GLCE: variants seen among roughly 807,000 people sequenced by gnomAD.
GLCE encodes glucuronic acid epimerase, also known as D-glucuronyl C5-epimerase.
Under a neutral mutation model 47.9 loss-of-function variants are expected in GLCE, and 19 were observed. The observed-to-expected ratio is 0.40, with a 90% CI of 0.28 to 0.58. The LOEUF is 0.58. Among genes scored for constraint, GLCE ranks in the 20% least tolerant of loss-of-function variants. The probability of loss-of-function intolerance (pLI) is 0.48; values close to 1 mark genes in which losing one functional copy is unlikely to be tolerated. For synonymous variants in GLCE, 245 were observed against 263.4 expected (o/e 0.93, Z 0.68); for missense variants, 556 against 743.3 (o/e 0.75, Z 2.93).
rs866903885 is a variant in GLCE, at chr15:69,255,879, G to A, written c.73G>A (p.Val25Ile). Residue 25 changes from valine (V) to isoleucine (I), a missense_variant, in exon 3 of 5, where the codon GTA (valine) becomes ATA (isoleucine). This residue lies in a region of GLCE where 237 missense variants were observed against 310.9 expected (regional missense o/e 0.76). Coordinates refer to ENST00000261858, the MANE Select transcript of GLCE (RefSeq NM_015554.3). ...IICALFTLVT[V>I]LLWNKCSSDK... Reference sequence around the variant, plus strand: ...CTGCGCACTCTTCACTTTGGTCACAGTACTTTTGTGGAATAAGTGTTCCAG... The same window carrying A: ...CTGCGCACTCTTCACTTTGGTCACAATACTTTTGTGGAATAAGTGTTCCAG... 8.1e-6 allele frequency: 13 copies of A among 1,614,056 alleles called. No homozygotes were observed. In the Middle Eastern group the frequency reaches 1.6e-3, roughly 205 times the overall value.
chr15:69,175,902 G>A (rs1290275008), intron 1 of GLCE, among the ~76,000 whole-genome samples: 1 of 152,206 alleles, frequency 6.6e-6, no homozygotes, highest in Non-Finnish European at 1.5e-5. Flanking sequence ...CTCAGGAAAT[G>A]TGTGAATTTA....
intron 2 of GLCE, among the ~76,000 whole-genome samples, chr15:69,249,313 GCATAGTCTA>G (rs2052802348): frequency 6.6e-6 from 1 of 152,118 alleles, no homozygotes; most frequent in South Asian, 2.1e-4. Context: ...GTGTTTTATA[GCATAGTCTA>G]CATAACTTTT....
intron 2 of GLCE, among the ~76,000 whole-genome samples, chr15:69,246,007 G>A (rs921969048): frequency 1.2e-4 from 19 of 152,328 alleles, no homozygotes; most frequent in African/African-American, 4.6e-4. Context: ...GGGTTTACAG[G>A]CGTGAGCCAC....
At position 69,235,093 on chromosome 15, in the gene GLCE, C is replaced by CTTTTTTTTTTT. The variant is rs869212730; in HGVS notation, c.-13-20679_-13-20669dup. ...CTGATACAGATAGATGAAGATTATT[C>CTTTTTTTTTTT]TTTTTTTTTTTTTTTTTTTTTTTTT... On this transcript the variant is annotated intron_variant, in intron 2 of 4. Transcript: ENST00000261858. Among the ~76,000 whole-genome samples the CTTTTTTTTTTT allele has an allele frequency of 1.4e-4, 9 of 62,882 alleles. 2 individuals carry two copies. The highest frequency in any genetic ancestry group is 6.7e-4 in the African/African-American group (9 of 13,348). 41.3% of individuals were successfully genotyped at this position (62,882 alleles called of 152,430 possible). A position where few individuals can be genotyped will look rare whatever the true frequency, so the allele number is the denominator to read the frequency against.
At chr15:69,188,914 C>T (rs572142427) in intron 1 of GLCE, among the ~76,000 whole-genome samples, 1 of 152,128 alleles carries the variant, frequency 6.6e-6, no homozygotes, top group African/African-American at 2.4e-5. Context: ...GTTTTAGGTT[C>T]ACAGCAAAAT....
intron 1 of GLCE, among the ~76,000 whole-genome samples, chr15:69,165,505 C>CTTTTTTTTT (rs1172987241): frequency 2.4e-5 from 2 of 84,626 alleles, no homozygotes; most frequent in Non-Finnish European, 2.3e-5. Flanking sequence ...GCACTGTCTG[C>CTTTTTTTTT]TTTTTTTTTT....
chr15:69,198,046 T>C lies in GLCE; in HGVS notation c.-104-12270T>C, dbSNP rs113043667. ...ATTCTTCCCTTTTAAAGAACATCAG[T>C]GCCTGAGCCTTTTTATATACATATC... On this transcript the variant is annotated intron_variant, in intron 1 of 4. Transcript: ENST00000261858. 5.8e-3 allele frequency among the ~76,000 whole-genome samples: 890 copies of C among 152,302 alleles called. 5 individuals carry two copies. The highest frequency in any genetic ancestry group is 1.0e-2 in the Non-Finnish European group (678 of 68,010).
intron 2 of GLCE, among the ~76,000 whole-genome samples, chr15:69,252,393 C>T (rs930678495): frequency 2.0e-5 from 3 of 152,202 alleles, no homozygotes; most frequent in Admixed American, 6.5e-5. Context: ...GCAAGCAGGT[C>T]ACATGGCCAG....
chr15:69,242,984 G>A (rs527819150), intron 2 of GLCE, among the ~76,000 whole-genome samples: 1 of 146,192 alleles, frequency 6.8e-6, no homozygotes, highest in Admixed American at 7.0e-5. Flanking sequence ...TTGAGCCCGA[G>A]AGATTGCAGC....
At chr15:69,222,301 T>C (rs1052596950) in intron 2 of GLCE, among the ~76,000 whole-genome samples, 1 of 152,082 alleles carries the variant, frequency 6.6e-6, no homozygotes, top group Non-Finnish European at 1.5e-5. Flanking sequence ...GTGGGAGGCA[T>C]TCTGGCAGGG....
intron 1 of GLCE, among the ~76,000 whole-genome samples, chr15:69,174,439 G>A (rs924085044): frequency 1.3e-5 from 2 of 151,972 alleles, no homozygotes; most frequent in Non-Finnish European, 2.9e-5. Flanking sequence ...GTGAAACCCC[G>A]TCACTACTAA....
intron 1 of GLCE, among the ~76,000 whole-genome samples, chr15:69,182,075 A>G (rs2051756385): frequency 6.6e-6 from 1 of 152,046 alleles, no homozygotes; most frequent in Non-Finnish European, 1.5e-5. Context: ...ACACAGGGTC[A>G]TAAGATAAAA....
intron 4 of GLCE, among the ~76,000 whole-genome samples, chr15:69,263,411 G>A (rs1390459540): frequency 6.6e-6 from 1 of 152,018 alleles, no homozygotes; most frequent in East Asian, 1.9e-4. Context: ...AGGACCACAA[G>A]CTGAATGCTG....
intron 2 of GLCE, among the ~76,000 whole-genome samples, chr15:69,214,682 C>T (rs1242468317): frequency 6.6e-6 from 1 of 152,050 alleles, no homozygotes; most frequent in Non-Finnish European, 1.5e-5. Context: ...AATTTTAATT[C>T]ATGCTGATAC....
chr15:69,237,328 C>T (rs949102669), intron 2 of GLCE, among the ~76,000 whole-genome samples: 1 of 152,174 alleles, frequency 6.6e-6, no homozygotes, highest in African/African-American at 2.4e-5. Context: ...GGTGCGGTGG[C>T]TCATGCCTGT....
At chr15:69,191,544 C>T (rs2051913763) in intron 1 of GLCE, among the ~76,000 whole-genome samples, 1 of 152,140 alleles carries the variant, frequency 6.6e-6, no homozygotes, top group Admixed American at 6.6e-5. Context: ...TGAATTGTGA[C>T]AACACATGTG....
intron 2 of GLCE, among the ~76,000 whole-genome samples, chr15:69,245,281 C>T (rs781433041): frequency 6.8e-6 from 1 of 146,028 alleles, no homozygotes; most frequent in African/African-American, 2.5e-5. Context: ...TTCAGTGAGC[C>T]GAGATCACAT....
At chr15:69,162,310 A>G (rs993657964) in intron 1 of GLCE, among the ~76,000 whole-genome samples, 7 of 148,780 alleles carry the variant, frequency 4.7e-5, no homozygotes, top group Admixed American at 2.0e-4. Context: ...ATGTATGTGT[A>G]TTGGTTAAAA....
At chr15:69,168,802 G>T (rs575437503) in intron 1 of GLCE, among the ~76,000 whole-genome samples, 2 of 152,270 alleles carry the variant, frequency 1.3e-5, no homozygotes, top group East Asian at 1.9e-4. Flanking sequence ...AAAGTGCTTG[G>T]ATTACAGGCG....
Sources: allele counts gnomAD v4.1 joint callset (sites outside exome capture counted in the v4.1 genomes callset), GRCh38; gene constraint gnomAD v4.1.1; regional missense constraint gnomAD v4.1.1; transcripts MANE v1.5; gene names NCBI Gene and HGNC (gene_info 2026-07-23, HGNC 2026-07-21).